The following DHRSX variants were observed in gnomAD, a reference collection of about 807,000 sequenced individuals.
The protein encoded by DHRSX is polyprenol dehydrogenase.
A neutral mutation model predicts 34.0 loss-of-function variants in DHRSX; 31 were observed. The observed-to-expected ratio is 0.91, with a 90% CI of 0.69 to 1.23. DHRSX has a LOEUF of 1.23. Among genes scored for constraint, DHRSX ranks in the 50% most tolerant of loss-of-function variants. The pLI, the probability that DHRSX is intolerant of heterozygous loss-of-function variation, is 0.00. For missense variants in DHRSX, 414 were observed against 428.1 expected (o/e 0.97, Z 0.29); for synonymous variants, 201 against 183.8 (o/e 1.09, Z -0.76).
intron 6 of DHRSX, among the ~76,000 whole-genome samples, chrX:2,223,185 C>T (rs1003415032): frequency 6.6e-6 from 1 of 151,698 alleles, no homozygotes; most frequent in African/African-American, 2.4e-5. Context: ...AGGGAGGGAG[C>T]CAGTGGGAGG....
At chrX:2,348,054 G>A (rs778946503) in intron 3 of DHRSX, among the ~76,000 whole-genome samples, 20 of 152,284 alleles carry the variant, frequency 1.3e-4, no homozygotes, top group African/African-American at 4.6e-4. Context: ...CAAACCCACA[G>A]TCAGGCAGGG....
At chrX:2,316,769 C>T (rs1394809991) in intron 3 of DHRSX, among the ~76,000 whole-genome samples, 2 of 152,266 alleles carry the variant, frequency 1.3e-5, no homozygotes, top group Non-Finnish European at 2.9e-5. Flanking sequence ...TCAAGGTCAT[C>T]GCCAAGATCT....
chrX:2,341,830 G>A (rs931642436), intron 3 of DHRSX, among the ~76,000 whole-genome samples: 5 of 88,412 alleles, frequency 5.7e-5, no homozygotes, highest in African/African-American at 1.7e-4. Context: ...TTTAAATGGA[G>A]TTTCACTCTT....
chrX:2,296,245 G>A lies in DHRSX; in HGVS notation c.287-4642C>T, dbSNP rs2041930044. Among the ~76,000 whole-genome samples, 3 of 152,114 alleles carry A rather than the reference G, an allele frequency of 2.0e-5. No individual in the cohort carries two copies. In the South Asian group the frequency reaches 6.2e-4, roughly 31 times the overall value. ...GAGCTAGGCTCTCTGGGCACACCCA[G>A]AAAAAAGTCAGCGGAAGAGGTAAAG... On this transcript the variant is annotated intron_variant, in intron 3 of 6. Transcript: ENST00000334651.
In DHRSX at chrX:2,304,167, GAACT is replaced by G. The variant is rs1314832981; in HGVS notation, c.287-12568_287-12565del. Among the ~76,000 whole-genome samples, 111 of 94,062 alleles carry G rather than the reference GAACT, an allele frequency of 1.2e-3. 1 individual carries two copies. Among genetic ancestry groups the G allele is most frequent in the African/African-American group, 2.4e-3 (55 of 22,688 alleles). 61.7% of individuals were successfully genotyped at this position (94,062 alleles called of 152,430 possible). On this transcript the variant is annotated intron_variant, in intron 3 of 6. Coordinates refer to ENST00000334651, the MANE Select transcript of DHRSX (RefSeq NM_145177.3). ...TGGATGGATGGATGGATGGATGGATGAACTGATGGATGGATGGATGGATGGATGG... is the reference window on the plus strand; with the variant it reads ...TGGATGGATGGATGGATGGATGGATGGATGGATGGATGGATGGATGGATGG...
intron 3 of DHRSX, among the ~76,000 whole-genome samples, chrX:2,306,152 C>T (rs1042072363): frequency 2.0e-5 from 3 of 152,124 alleles, no homozygotes; most frequent in African/African-American, 7.2e-5. Context: ...TTCTTCAGAG[C>T]AGTGTGAGAA....
intron 3 of DHRSX, among the ~76,000 whole-genome samples, chrX:2,340,711 T>C (rs1350164678): frequency 1.3e-5 from 2 of 152,124 alleles, no homozygotes; most frequent in Admixed American, 6.6e-5. Flanking sequence ...TGGACTTTTG[T>C]CATTCAAGGA....
chrX:2,321,690 G>A (rs1425393462), intron 3 of DHRSX, among the ~76,000 whole-genome samples: 2 of 152,010 alleles, frequency 1.3e-5, no homozygotes, highest in Non-Finnish European at 2.9e-5. Context: ...CAGTACTATA[G>A]AGAAATAAAT....
At chrX:2,454,025 T>C (rs1026287160) in intron 1 of DHRSX, among the ~76,000 whole-genome samples, 2 of 152,186 alleles carry the variant, frequency 1.3e-5, no homozygotes, top group Admixed American at 6.6e-5. Flanking sequence ...GTACCATATA[T>C]ATGTATACAA....
chrX:2,219,719 C>T lies in DHRSX; in HGVS notation c.*1322G>A, dbSNP rs1041262635. 1.3e-5 allele frequency: 2 copies of T among 152,126 alleles called. No homozygotes were observed. The highest frequency in any genetic ancestry group is 6.6e-5 in the Admixed American group (1 of 15,256). 9.4% of individuals were successfully genotyped at this position (152,126 alleles called of 1,614,324 possible). A position where few individuals can be genotyped will look rare whatever the true frequency, so the allele number is the denominator to read the frequency against. On this transcript the variant is annotated 3_prime_UTR_variant, in exon 7 of 7. Transcript: ENST00000334651. ...ATTTGAATAGTCAGTGGGATTTTGT[C>T]ACTTAGTGGAATGGATAATAAGCCA...
chrX:2,393,359 C>T (rs924808045), intron 3 of DHRSX, among the ~76,000 whole-genome samples: 19 of 152,008 alleles, frequency 1.2e-4, no homozygotes, highest in Admixed American at 2.6e-4. Flanking sequence ...TGTGTGTTGA[C>T]GCCTCCCATC....
At chrX:2,253,364 G>A (rs1462814228) in intron 5 of DHRSX, among the ~76,000 whole-genome samples, 6 of 120,540 alleles carry the variant, frequency 5.0e-5, no homozygotes, top group Non-Finnish European at 8.4e-5. Flanking sequence ...CCTGGGAGGC[G>A]GACATGGCCG....
intron 3 of DHRSX, among the ~76,000 whole-genome samples, chrX:2,396,904 G>A (rs2043419578): frequency 6.6e-6 from 1 of 151,242 alleles, no homozygotes; most frequent in Non-Finnish European, 1.5e-5. Context: ...AGCTAAAATT[G>A]CTCTTAATAT....
chrX:2,406,577 G>T (rs1028491760), intron 3 of DHRSX, among the ~76,000 whole-genome samples: 9 of 151,748 alleles, frequency 5.9e-5, no homozygotes, highest in African/African-American at 1.9e-4. Context: ...AGTAGCTGGG[G>T]TTACAGGCCC....
chrX:2,405,799 A>AAAAC (rs1212805009), intron 3 of DHRSX, among the ~76,000 whole-genome samples: 2 of 152,002 alleles, frequency 1.3e-5, no homozygotes, highest in African/African-American at 4.8e-5. Flanking sequence ...CCTGTATCAA[A>AAAAC]AAACAAACAA....
intron 3 of DHRSX, among the ~76,000 whole-genome samples, chrX:2,382,705 TCACCATCATCAC>T (rs2043221829): frequency 1.3e-5 from 1 of 79,090 alleles, no homozygotes; most frequent in South Asian, 4.1e-4. Context: ...ATCATCACCA[TCACCATCATCAC>T]CACCATCATC....
At chrX:2,341,367 C>T (rs1310360681) in intron 3 of DHRSX, among the ~76,000 whole-genome samples, 1 of 152,136 alleles carries the variant, frequency 6.6e-6, no homozygotes, top group Non-Finnish European at 1.5e-5. Context: ...CCTACAGGGA[C>T]ATGCTCCCTG....
At chrX:2,293,909 A>G (rs2041897547) in intron 3 of DHRSX, among the ~76,000 whole-genome samples, 1 of 152,132 alleles carries the variant, frequency 6.6e-6, no homozygotes, top group African/African-American at 2.4e-5. Context: ...ACCTTGCTTA[A>G]TAAGCTCTAT....
intron 3 of DHRSX, among the ~76,000 whole-genome samples, chrX:2,305,198 G>A (rs1221533830): frequency 1.3e-5 from 2 of 150,324 alleles, no homozygotes; most frequent in African/African-American, 4.9e-5. Context: ...ACACTGGGGC[G>A]TGTTGTGGGT....
Sources: gnomAD v4.1 joint callset for allele counts (sites outside exome capture counted in the v4.1 genomes callset) on GRCh38, gnomAD v4.1.1 for gene constraint, MANE v1.5 for transcripts, NCBI Gene and HGNC (gene_info 2026-07-23, HGNC 2026-07-21) for gene names.